Variants in MAML2 observed in about 807,000 individuals in gnomAD.
The protein encoded by MAML2 is mastermind like transcriptional coactivator 2, also known as mastermind-like protein 2.
Under a neutral mutation model 96.1 loss-of-function variants are expected in MAML2, and 22 were observed. The observed-to-expected ratio is 0.23, with a 90% confidence interval of 0.16 to 0.33. The LOEUF is 0.33. Among genes scored for constraint, MAML2 ranks in the 10% least tolerant of loss-of-function variants. MAML2 has a pLI of 1.00. For missense variants in MAML2, 1,367 were observed against 1,392.4 expected (o/e 0.98, Z 0.29); for synonymous variants, 561 against 521.3 (o/e 1.08, Z -1.04).
At chr11:96,145,367 C>G (rs933467009) in intron 1 of MAML2, among the ~76,000 whole-genome samples, 2 of 152,206 alleles carry the variant, frequency 1.3e-5, no homozygotes. Context: ...ACCAAGAACT[C>G]TCTATCTCTG....
intron 1 of MAML2, among the ~76,000 whole-genome samples, chr11:96,213,106 CAG>C: frequency 6.6e-6 from 1 of 152,228 alleles, no homozygotes; most frequent in Admixed American, 6.5e-5. Flanking sequence ...GACCAAGATA[CAG>C]AGAGTTTAGA....
intron 1 of MAML2, among the ~76,000 whole-genome samples, chr11:96,248,538 T>A (rs959722065): frequency 6.6e-6 from 1 of 152,076 alleles, no homozygotes; most frequent in Admixed American, 6.6e-5. Flanking sequence ...GAAACTACCC[T>A]CTCCCTATGC....
intron 1 of MAML2, among the ~76,000 whole-genome samples, chr11:96,255,438 G>T (rs924181836): frequency 6.6e-6 from 1 of 152,204 alleles, no homozygotes; most frequent in African/African-American, 2.4e-5. Context: ...CTAGAAAGTG[G>T]TTATGTCAAA....
chr11:96,027,657 G>A (rs1858546731), intron 2 of MAML2, among the ~76,000 whole-genome samples: 1 of 152,196 alleles, frequency 6.6e-6, no homozygotes, highest in Admixed American at 6.5e-5. Flanking sequence ...TCACGGAGGA[G>A]GGCTGGGAGC....
intron 1 of MAML2, among the ~76,000 whole-genome samples, chr11:96,256,004 G>C (rs1862662292): frequency 6.6e-6 from 1 of 151,432 alleles, no homozygotes; most frequent in South Asian, 2.1e-4. Context: ...TTCCCGAGTA[G>C]CTGGGATTAC....
intron 2 of MAML2, among the ~76,000 whole-genome samples, chr11:96,071,797 G>T (rs1015626926): frequency 2.0e-5 from 3 of 152,044 alleles, no homozygotes; most frequent in Non-Finnish European, 2.9e-5. Flanking sequence ...TTCCTCCCCA[G>T]TCCATCCTGC....
At chr11:96,060,515 T>C (rs1859140472) in intron 2 of MAML2, among the ~76,000 whole-genome samples, 1 of 152,132 alleles carries the variant, frequency 6.6e-6, no homozygotes. Flanking sequence ...CACATATCTA[T>C]TTTATGACAT....
intron 1 of MAML2, among the ~76,000 whole-genome samples, chr11:96,153,691 C>T (rs1337296480): frequency 6.6e-6 from 1 of 152,050 alleles, no homozygotes; most frequent in Non-Finnish European, 1.5e-5. Flanking sequence ...GTGGGTAGAT[C>T]ATGAGGTCAG....
At chr11:96,259,588 T>C (rs1862719874) in intron 1 of MAML2, among the ~76,000 whole-genome samples, 1 of 152,224 alleles carries the variant, frequency 6.6e-6, no homozygotes, top group Admixed American at 6.5e-5. Flanking sequence ...CTTTGCAAAA[T>C]CCATTGTATG....
intron 1 of MAML2, among the ~76,000 whole-genome samples, chr11:96,111,679 C>G (rs1158776067): frequency 2.6e-5 from 4 of 152,198 alleles, no homozygotes; most frequent in Admixed American, 2.0e-4. Context: ...TTGACAGTGA[C>G]ATTGTCCCAC....
intron 1 of MAML2, among the ~76,000 whole-genome samples, chr11:96,226,971 G>A (rs772278513): frequency 3.3e-5 from 5 of 152,084 alleles, no homozygotes; most frequent in African/African-American, 7.2e-5. Flanking sequence ...AAAATGTTAC[G>A]TTCAATGGAG....
chr11:96,083,144 G>A (rs140204030), intron 2 of MAML2, among the ~76,000 whole-genome samples: 110 of 152,270 alleles, frequency 7.2e-4, no homozygotes, highest in African/African-American at 1.8e-3. Flanking sequence ...TTCTGATGTC[G>A]GTAGGAGCTG....
chr11:96,265,242 G>T (rs936968306), intron 1 of MAML2, among the ~76,000 whole-genome samples: 1 of 152,196 alleles, frequency 6.6e-6, no homozygotes, highest in Non-Finnish European at 1.5e-5. Flanking sequence ...GCTTTAGCGC[G>T]GGGAGGACGA....
chr11:96,023,926 T>TTTGCTG, intron 2 of MAML2, among the ~76,000 whole-genome samples: 1 of 152,282 alleles, frequency 6.6e-6, no homozygotes, highest in Middle Eastern at 3.4e-3. Context: ...AGAATCATCT[T>TTTGCTG]AAAAATGGAT....
At position 96,290,648 on chromosome 11, in the gene MAML2, A is replaced by G. The variant is rs564142300; in HGVS notation, c.513+50735T>C. On this transcript the variant is annotated intron_variant, in intron 1 of 4. Coordinates refer to ENST00000524717, the MANE Select transcript of MAML2 (RefSeq NM_032427.4). ...CAGTTTCATGTAAGTAAATTTTAAG[A>G]TATTTGATATTCCCCTTTGAAGTAC... 1.5e-4 allele frequency among the ~76,000 whole-genome samples: 23 copies of G among 152,352 alleles called. No homozygotes were observed. The Middle Eastern group carries it at 0.01, about 68-fold the overall frequency.
chr11:96,228,207 A>T (rs913310503), intron 1 of MAML2, among the ~76,000 whole-genome samples: 1 of 152,198 alleles, frequency 6.6e-6, no homozygotes, highest in African/African-American at 2.4e-5. Context: ...TCTTGGCCAC[A>T]TCGGGTTTCC....
chr11:96,256,584 A>G (rs945331310), intron 1 of MAML2, among the ~76,000 whole-genome samples: 4 of 152,222 alleles, frequency 2.6e-5, no homozygotes, highest in African/African-American at 9.6e-5. Context: ...TCTGAGCCTT[A>G]TCACAATTAC....
chr11:96,331,795 G>T (rs1046721638), intron 1 of MAML2, among the ~76,000 whole-genome samples: 1 of 147,066 alleles, frequency 6.8e-6, no homozygotes, highest in African/African-American at 2.6e-5. Flanking sequence ...TCCAGCGTGG[G>T]CGAAAGAGTG....
chr11:96,058,639 C>T (rs949713372), intron 2 of MAML2, among the ~76,000 whole-genome samples: 1 of 152,140 alleles, frequency 6.6e-6, no homozygotes, highest in Admixed American at 6.6e-5. Flanking sequence ...TAAACAAGAG[C>T]GAGATTGCCT....
Sources: gnomAD v4.1 joint callset for allele counts (sites outside exome capture counted in the v4.1 genomes callset) on GRCh38, gnomAD v4.1.1 for gene constraint, MANE v1.5 for transcripts, NCBI Gene and HGNC (gene_info 2026-07-23, HGNC 2026-07-21) for gene names.